The following RNF227 variants were observed in gnomAD, a reference collection of about 807,000 sequenced individuals.
RNF227 encodes long intergenic non-protein coding RNA 2581.
Under a neutral mutation model 4.9 loss-of-function variants are expected in RNF227, and 8 were observed. The ratio of observed to expected loss-of-function variants is 1.65; its 90% CI spans 0.97 to 2.98. The LOEUF (loss-of-function observed/expected upper bound fraction) is 2.98. Ranked by LOEUF, RNF227 falls within the 30% of genes most tolerant of loss-of-function variation. The probability of loss-of-function intolerance (pLI) is 0.00; values close to 1 mark genes in which losing one functional copy is unlikely to be tolerated. For missense variants in RNF227, 136 were observed against 65.4 expected, an observed-to-expected ratio of 2.08 and a Z score of -3.72; for synonymous variants, 63 against 28.1, an observed-to-expected ratio of 2.25 and a Z score of -3.94.
rs922261639 is a variant in RNF227 at position 7,913,412 on chromosome 17, C to T, written c.*2110G>A. The T allele has an allele frequency of 6.6e-6, 1 of 152,144 alleles. No homozygotes were observed. Among genetic ancestry groups the T allele is most frequent in the African/African-American group, 2.4e-5 (1 of 41,404 alleles). 9.4% of individuals were successfully genotyped at this position (152,144 alleles called of 1,614,324 possible). On this transcript the variant is annotated 3_prime_UTR_variant, in exon 2 of 2. Transcript: ENST00000324348. ...GTTGGCCCTGGAGATAAAACAGTCACAGGTCAGCCCTTGCTCCCATAGGGC... is the reference window on the plus strand; with the variant it reads ...GTTGGCCCTGGAGATAAAACAGTCATAGGTCAGCCCTTGCTCCCATAGGGC...
Position 7,915,721 on chromosome 17 carries a change from G to A in RNF227, c.475C>T (p.Leu159=). 4.3e-6 allele frequency: 3 copies of A among 702,604 alleles called. No homozygotes were observed. The South Asian group carries it at 4.4e-5, about 10-fold the overall frequency. 43.5% of individuals were successfully genotyped at this position (702,604 alleles called of 1,614,324 possible). A position where few individuals can be genotyped will look rare whatever the true frequency, so the allele number is the denominator to read the frequency against. The change falls in exon 1 of 2, where the codon CTG becomes TTG. Residue 159 remains leucine, a synonymous_variant. Coordinates refer to ENST00000324348, the MANE Select transcript of RNF227 (RefSeq NM_001358699.2). ...RALRRLWDRV[L]GPARRWRRPL... Reference sequence around the variant, plus strand: ...CGCCGCCAGCGCCGCGCAGGCCCCAGGACCCTGTCCCAGAGCCGCCGGAGC... The same window carrying A: ...CGCCGCCAGCGCCGCGCAGGCCCCAAGACCCTGTCCCAGAGCCGCCGGAGC...
At chr17:7,916,308 C>G (rs1971972363), upstream of RNF227, 1 of 343,628 alleles carries the variant, frequency 2.9e-6, no homozygotes, top group South Asian at 1.5e-4. Context: ...GGCCTCTTTC[C>G]CCTTTAAATA....
chr17:7,915,404 C>CG lies in RNF227; in HGVS notation c.*117dup. The CG allele has an allele frequency of 1.4e-6, 1 of 702,070 alleles. No individual in the cohort carries two copies. Among genetic ancestry groups the CG allele is most frequent in the Non-Finnish European group, 2.6e-6 (1 of 384,904 alleles). 43.5% of individuals were successfully genotyped at this position (702,070 alleles called of 1,614,324 possible). A position where few individuals can be genotyped will look rare whatever the true frequency, so the allele number is the denominator to read the frequency against. On this transcript the variant is annotated 3_prime_UTR_variant, in exon 2 of 2. Transcript: ENST00000324348. ...CTCCCAGGGCGTTCCCTCCTGCCTT[C>CG]GGCTCATCTCTCTCATCACATGCCA...
Position 7,916,036 on chromosome 17 carries a change from C to G in RNF227, c.160G>C (p.Glu54Gln), listed in dbSNP as rs1162289681. 21 of 356,262 alleles carry G rather than the reference C, an allele frequency of 5.9e-5. No homozygotes were observed. The highest frequency in any genetic ancestry group is 1.1e-4 in the Non-Finnish European group (21 of 199,814). 22.1% of individuals were successfully genotyped at this position (356,262 alleles called of 1,614,324 possible). A position where few individuals can be genotyped will look rare whatever the true frequency, so the allele number is the denominator to read the frequency against. Residue 54 changes from glutamate to glutamine, a missense_variant, in exon 1 of 2, where the codon GAG becomes CAG. Glu to Gln is a conservative substitution (Grantham distance 29). Transcript: ENST00000324348. Reference protein sequence around the residue: ...GHTICTACLRELAARGDGGGA... With the variant: ...GHTICTACLRQLAARGDGGGA... Reference sequence around the variant, plus strand: ...CCGCCGTCCCCGCGCGCCGCCAGCTCGCGGAGGCAGGCGGTGCAGATCGTG... The same window carrying G: ...CCGCCGTCCCCGCGCGCCGCCAGCTGGCGGAGGCAGGCGGTGCAGATCGTG...
In RNF227 at chr17:7,916,077, C is replaced by T; in HGVS notation, c.119G>A (p.Arg40His). ...RAPRRLPGTA[R>H]ARCGHTICTA... ...GCAGATCGTGTGGCCGCAGCGGGCG[C>T]GCGCCGTTCCGGGCAGGCGGCGGGG... The change falls in exon 1 of 2, where the codon CGC (arginine) becomes CAC (histidine). Residue 40 changes from arginine (R) to histidine (H), a missense_variant. Transcript: ENST00000324348. 2 of 384,712 alleles carry T rather than the reference C, an allele frequency of 5.2e-6. No homozygotes were observed. The allele number at this position is 384,712 out of a possible 1,614,324, so 23.8% of individuals were successfully genotyped here.
rs1041255802 is a variant in RNF227, at chr17:7,916,252, G to A, written c.-57C>T. On this transcript the variant is annotated 5_prime_UTR_variant, in exon 1 of 2. Transcript: ENST00000324348. ...ACGCGGCCAGCTCCGTGAACAGAACGAGCACACTCTCCTGGGGCCGGGTCG... is the reference window on the plus strand; with the variant it reads ...ACGCGGCCAGCTCCGTGAACAGAACAAGCACACTCTCCTGGGGCCGGGTCG... 1.3e-5 allele frequency: 5 copies of A among 370,914 alleles called. No individual in the cohort carries two copies. Among genetic ancestry groups the A allele is most frequent in the Non-Finnish European group, 1.9e-5 (4 of 207,882 alleles). 23.0% of individuals were successfully genotyped at this position (370,914 alleles called of 1,614,324 possible). A position where few individuals can be genotyped will look rare whatever the true frequency, so the allele number is the denominator to read the frequency against.
Position 7,914,205 on chromosome 17 carries a change from G to A in RNF227, c.*1317C>T, listed in dbSNP as rs141982177. On this transcript the variant is annotated 3_prime_UTR_variant, in exon 2 of 2. Transcript: ENST00000324348. ...TAAAGAGTGTAGGATCTAGACCAAT[G>A]GTACTTAAATTTTCACATGCACACA... 6.6e-6 allele frequency: 1 copy of A among 151,722 alleles called. No individual in the cohort carries two copies. Among genetic ancestry groups the A allele is most frequent in the Non-Finnish European group, 1.5e-5 (1 of 67,934 alleles). 9.4% of individuals were successfully genotyped at this position (151,722 alleles called of 1,614,324 possible).
Position 7,916,272 on chromosome 17 carries a change from G to C in RNF227, c.-77C>G. 1 of 355,218 alleles carries C rather than the reference G, an allele frequency of 2.8e-6. No individual in the cohort carries two copies. Among genetic ancestry groups the C allele is most frequent in the South Asian group, 1.4e-4 (1 of 7,184 alleles). 22.0% of individuals were successfully genotyped at this position (355,218 alleles called of 1,614,324 possible). On this transcript the variant is annotated 5_prime_UTR_variant, in exon 1 of 2. Coordinates refer to ENST00000324348, the MANE Select transcript of RNF227 (RefSeq NM_001358699.2). ...AGAACGAGCACACTCTCCTGGGGCC[G>C]GGTCGGGTCCTGGGGCCGGCGCCGC...
chr17:7,916,208 G>T lies in RNF227; in HGVS notation c.-13C>A. 2.6e-6 allele frequency: 1 copy of T among 391,034 alleles called. No homozygotes were observed. The allele number at this position is 391,034 out of a possible 1,614,324, so 24.2% of individuals were successfully genotyped here. A position where few individuals can be genotyped will look rare whatever the true frequency, so the allele number is the denominator to read the frequency against. Reference sequence around the variant, plus strand: ...CCAAGAGCTGCATCGTGCCCGCCGCGGACTCGAGGACGTCGCTAACGCGGC... The same window carrying T: ...CCAAGAGCTGCATCGTGCCCGCCGCTGACTCGAGGACGTCGCTAACGCGGC... On this transcript the variant is annotated 5_prime_UTR_variant, in exon 1 of 2. Transcript: ENST00000324348.
Position 7,915,692 on chromosome 17 carries a change from CGGACG to C in RNF227, c.499_503del (p.Arg167AlafsTer3), listed in dbSNP as rs1567886566. 1 of 701,276 alleles carries C rather than the reference CGGACG, an allele frequency of 1.4e-6. No individual in the cohort carries two copies. Among genetic ancestry groups the C allele is most frequent in the Non-Finnish European group, 2.6e-6 (1 of 383,770 alleles). The allele number at this position is 701,276 out of a possible 1,614,324, so 43.4% of individuals were successfully genotyped here. A position where few individuals can be genotyped will look rare whatever the true frequency, so the allele number is the denominator to read the frequency against. On this transcript the variant is annotated frameshift_variant, in exon 1 of 2. Coordinates refer to ENST00000324348, the MANE Select transcript of RNF227 (RefSeq NM_001358699.2). LOFTEE classifies it high-confidence loss of function. ...GCAGCCCCTCACCGTTGCTAGGCAGCGGACGCCGCCAGCGCCGCGCAGGCCCCAGG... is the reference window on the plus strand; with the variant it reads ...GCAGCCCCTCACCGTTGCTAGGCAGCCCGCCAGCGCCGCGCAGGCCCCAGG...
chr17:7,915,149 C>A lies in RNF227; in HGVS notation c.*373G>T, dbSNP rs569778451. On this transcript the variant is annotated 3_prime_UTR_variant, in exon 2 of 2. Transcript: ENST00000324348. ...TTCCATCTTAAAAAAAAAAAAAATT[C>A]AAACCATTGACAAAGAATTGCTAAA... The A allele has an allele frequency of 1.7e-4, 58 of 348,732 alleles. No individual in the cohort carries two copies. In the Middle Eastern group the frequency reaches 2.9e-3, roughly 18 times the overall value. The allele number at this position is 348,732 out of a possible 1,614,324, so 21.6% of individuals were successfully genotyped here.
chr17:7,915,825 C>T lies in RNF227; in HGVS notation c.371G>A (p.Ser124Asn), dbSNP rs1162237985. ...RDEAGNPAKE[S>N]SDADGEAEEE... ...CTCCGCCTCTCCGTCAGCGTCGCTG[C>T]TTTCCTTGGCCGGGTTCCCAGCCTC... The change falls in exon 1 of 2, where the codon AGC (serine) becomes AAC (asparagine). Residue 124 changes from serine (S) to asparagine (N), a missense_variant. By Grantham distance (46) the Ser-to-Asn change is conservative (BLOSUM62 1). Coordinates refer to ENST00000324348, the MANE Select transcript of RNF227 (RefSeq NM_001358699.2). 2 of 702,682 alleles carry T rather than the reference C, an allele frequency of 2.8e-6. No individual in the cohort carries two copies. Among genetic ancestry groups the T allele is most frequent in the African/African-American group, 3.5e-5 (2 of 57,250 alleles). The allele number at this position is 702,682 out of a possible 1,614,324, so 43.5% of individuals were successfully genotyped here.
In RNF227 at chr17:7,914,378, C is replaced by CTCTA; in HGVS notation, c.*1140_*1143dup. ...CCTGACAAACATGGCGAAACCCCATCTCTACTAAAAATACAAAAATTAGCC... is the reference window on the plus strand; with the variant it reads ...CCTGACAAACATGGCGAAACCCCATCTCTATCTACTAAAAATACAAAAATTAGCC... On this transcript the variant is annotated 3_prime_UTR_variant, in exon 2 of 2. Transcript: ENST00000324348. 1.3e-5 allele frequency: 2 copies of CTCTA among 152,170 alleles called. No homozygotes were observed. Among genetic ancestry groups the CTCTA allele is most frequent in the East Asian group, 3.9e-4 (2 of 5,160 alleles). The allele number at this position is 152,170 out of a possible 1,614,324, so 9.4% of individuals were successfully genotyped here. A position where few individuals can be genotyped will look rare whatever the true frequency, so the allele number is the denominator to read the frequency against.
chr17:7,915,446 G>A lies in RNF227; in HGVS notation c.*76C>T, dbSNP rs1430758321. The A allele has an allele frequency of 4.3e-6, 3 of 702,384 alleles. No homozygotes were observed. Among genetic ancestry groups the A allele is most frequent in the East Asian group, 2.7e-5 (1 of 37,286 alleles). The allele number at this position is 702,384 out of a possible 1,614,324, so 43.5% of individuals were successfully genotyped here. On this transcript the variant is annotated 3_prime_UTR_variant, in exon 2 of 2. Coordinates refer to ENST00000324348, the MANE Select transcript of RNF227 (RefSeq NM_001358699.2). ...CACATGCCAATCCTGGGATCTGAGA[G>A]AGAGTAGTCTTGACATCAGCCCCCG...
Position 7,915,447 on chromosome 17 carries a change from A to T in RNF227, c.*75T>A, listed in dbSNP as rs1368119412. On this transcript the variant is annotated 3_prime_UTR_variant, in exon 2 of 2. Coordinates refer to ENST00000324348, the MANE Select transcript of RNF227 (RefSeq NM_001358699.2). ...ACATGCCAATCCTGGGATCTGAGAG[A>T]GAGTAGTCTTGACATCAGCCCCCGC... 1 of 702,450 alleles carries T rather than the reference A, an allele frequency of 1.4e-6. No individual in the cohort carries two copies. Among genetic ancestry groups the T allele is most frequent in the East Asian group, 2.7e-5 (1 of 37,280 alleles). The allele number at this position is 702,450 out of a possible 1,614,324, so 43.5% of individuals were successfully genotyped here. A position where few individuals can be genotyped will look rare whatever the true frequency, so the allele number is the denominator to read the frequency against.
rs1399376865 is a variant in RNF227 at position 7,913,527 on chromosome 17, G to C, written c.*1995C>G. ...TATGTTACAGAGGGGTGGGGGAAAA[G>C]GCTCTACTATGTTGAAGGCAGAAAA... On this transcript the variant is annotated 3_prime_UTR_variant, in exon 2 of 2. Coordinates refer to ENST00000324348, the MANE Select transcript of RNF227 (RefSeq NM_001358699.2). 1 of 152,122 alleles carries C rather than the reference G, an allele frequency of 6.6e-6. No individual in the cohort carries two copies. The highest frequency in any genetic ancestry group is 1.5e-5 in the Non-Finnish European group (1 of 68,032). The allele number at this position is 152,122 out of a possible 1,614,324, so 9.4% of individuals were successfully genotyped here. A position where few individuals can be genotyped will look rare whatever the true frequency, so the allele number is the denominator to read the frequency against.
Position 7,915,435 on chromosome 17 carries a change from G to A in RNF227, c.*87C>T, listed in dbSNP as rs1246723233. ...ATCTCTCTCATCACATGCCAATCCT[G>A]GGATCTGAGAGAGAGTAGTCTTGAC... On this transcript the variant is annotated 3_prime_UTR_variant, in exon 2 of 2. Transcript: ENST00000324348. 1.4e-6 allele frequency: 1 copy of A among 702,298 alleles called. No individual in the cohort carries two copies. Among genetic ancestry groups the A allele is most frequent in the Non-Finnish European group, 2.6e-6 (1 of 384,954 alleles). The allele number at this position is 702,298 out of a possible 1,614,324, so 43.5% of individuals were successfully genotyped here.
rs557248059 is a variant in RNF227, at chr17:7,915,471, G to A, written c.*51C>T. The A allele has an allele frequency of 1.3e-5, 9 of 702,852 alleles. No individual in the cohort carries two copies. The highest frequency in any genetic ancestry group is 1.2e-4 in the African/African-American group (7 of 57,364). 43.5% of individuals were successfully genotyped at this position (702,852 alleles called of 1,614,324 possible). The stretch of plus-strand genomic sequence containing the variant: ...GAGAGTAGTCTTGACATCAGCCCCC[G>A]CGAGGCTGCAGCTCCCACCTTCCTT... On this transcript the variant is annotated 3_prime_UTR_variant, in exon 2 of 2. Coordinates refer to ENST00000324348, the MANE Select transcript of RNF227 (RefSeq NM_001358699.2).
rs911553098 is a variant in RNF227 at position 7,914,152 on chromosome 17, A to C, written c.*1370T>G. ...TATCAGTCATACCTATTATGCTTTA[A>C]ATATTCTACCTACAGATGGTGATAT... is the stretch of plus-strand genomic sequence containing the variant. On this transcript the variant is annotated 3_prime_UTR_variant, in exon 2 of 2. Transcript: ENST00000324348. The C allele has an allele frequency of 5.3e-5, 8 of 152,188 alleles. No homozygotes were observed. The highest frequency in any genetic ancestry group is 1.9e-4 in the African/African-American group (8 of 41,444). 9.4% of individuals were successfully genotyped at this position (152,188 alleles called of 1,614,324 possible).
Sources: allele counts gnomAD v4.1 joint callset, GRCh38; gene constraint gnomAD v4.1.1; transcripts MANE v1.5; gene names NCBI Gene and HGNC (gene_info 2026-07-23, HGNC 2026-07-21).